ZFP30: variants seen among roughly 807,000 people sequenced by gnomAD.
The protein encoded by ZFP30 is zinc finger protein 30 homolog.
ZFP30 carries 16 observed loss-of-function variants against 12.3 expected under a neutral mutation model. The ratio of observed to expected loss-of-function variants is 1.30; its 90% CI spans 0.88 to 1.98. The LOEUF (loss-of-function observed/expected upper bound fraction) is 1.98. ZFP30 is among the 30% of genes most tolerant of loss of function. The pLI, the probability that ZFP30 is intolerant of heterozygous loss-of-function variation, is 0.00. For missense variants in ZFP30, 560 were observed against 611.2 expected (o/e 0.92, Z 0.88); for synonymous variants, 172 against 201.0 (o/e 0.86, Z 1.22).
At chr19:37,642,227 T>C (rs1047535410) in intron 5 of ZFP30, among the ~76,000 whole-genome samples, 5 of 152,220 alleles carry the variant, frequency 3.3e-5, no homozygotes, top group Non-Finnish European at 7.4e-5. Flanking sequence ...CCTATTCATA[T>C]AATTCTTATA....
At chr19:37,639,606 A>G (rs996432861) in intron 5 of ZFP30, among the ~76,000 whole-genome samples, 2 of 152,180 alleles carry the variant, frequency 1.3e-5, no homozygotes, top group Non-Finnish European at 2.9e-5. Context: ...AAATTAAAAG[A>G]AAGAAATTTA....
intron 2 of ZFP30, among the ~76,000 whole-genome samples, chr19:37,651,793 T>C (rs546454419): frequency 6.6e-6 from 1 of 152,268 alleles, no homozygotes; most frequent in Non-Finnish European, 1.5e-5. Context: ...CTTGGGCAGT[T>C]TGGAATATTC....
chr19:37,645,649 A>T (rs942184796), intron 3 of ZFP30, among the ~76,000 whole-genome samples: 145 of 151,472 alleles, frequency 9.6e-4, no homozygotes, highest in African/African-American at 3.4e-3. Context: ...GGTAATTATC[A>T]GAATTTTTCA....
At chr19:37,639,935 A>T (rs1247561529) in intron 5 of ZFP30, among the ~76,000 whole-genome samples, 1 of 152,248 alleles carries the variant, frequency 6.6e-6, no homozygotes, top group African/African-American at 2.4e-5. Context: ...TAATATACAC[A>T]GCTGAGCTGT....
Position 37,635,685 on chromosome 19 carries a change from T to C in ZFP30, c.856A>G (p.Thr286Ala), listed in dbSNP as rs768646586. The C allele has an allele frequency of 1.2e-6, 2 of 1,614,174 alleles. No individual in the cohort carries two copies. Among genetic ancestry groups the C allele is most frequent in the Non-Finnish European group, 1.7e-6 (2 of 1,180,034 alleles). Residue 286 changes from threonine (T) to alanine (A), a missense_variant, in exon 6 of 6, where the codon ACT becomes GCT. Transcript: ENST00000684514. ...GKAFRQYAHL[T>A]RHQRLNIAEK... ...GCAATGTTCAGTCTCTGATGTCGAG[T>C]AAGGTGTGCATACTGCCTAAAGGCC...
chr19:37,653,168 C>T lies in ZFP30; in HGVS notation c.-78+1544G>A, dbSNP rs1351341858. On this transcript the variant is annotated intron_variant, in intron 2 of 5. Coordinates refer to ENST00000684514, the MANE Select transcript of ZFP30 (RefSeq NM_001320669.3). ...AAAAGAAAATTGTGATTAAACAGGC[C>T]CTGCATAAATGGTGACAACAGGGAA... Among the ~76,000 whole-genome samples the T allele has an allele frequency of 3.3e-5, 5 of 151,424 alleles. No individual in the cohort carries two copies. The East Asian group carries it at 9.6e-4, about 29-fold the overall frequency.
At chr19:37,639,608 A>C (rs878880040) in intron 5 of ZFP30, among the ~76,000 whole-genome samples, 5 of 152,190 alleles carry the variant, frequency 3.3e-5, no homozygotes, top group Admixed American at 2.0e-4. Flanking sequence ...ATTAAAAGAA[A>C]GAAATTTAAG....
chr19:37,635,924 C>A lies in ZFP30; in HGVS notation c.617G>T (p.Arg206Ile), dbSNP rs2044315634. ...ATAGAGTTTGTCAGAAGTATGAATTCTCTGATGTCGACTGAGGTGGGCACA... is the reference window on the plus strand; with the variant it reads ...ATAGAGTTTGTCAGAAGTATGAATTATCTGATGTCGACTGAGGTGGGCACA... ...RQCAHLSRHQRIHTSDKLYEC... is the reference protein window; with the variant it reads ...RQCAHLSRHQIIHTSDKLYEC... Residue 206 changes from arginine to isoleucine, a missense_variant, in exon 6 of 6, where the codon AGA (arginine) becomes ATA (isoleucine). Transcript: ENST00000684514. The A allele has an allele frequency of 1.2e-6, 2 of 1,614,174 alleles. No individual in the cohort carries two copies. The highest frequency in any genetic ancestry group is 8.5e-7 in the Non-Finnish European group (1 of 1,180,018).
At chr19:37,639,634 A>G (rs2044397172) in intron 5 of ZFP30, among the ~76,000 whole-genome samples, 1 of 152,220 alleles carries the variant, frequency 6.6e-6, no homozygotes, top group Non-Finnish European at 1.5e-5. Flanking sequence ...ACAAATTGGC[A>G]TAAGAAATAA....
At position 37,654,733 on chromosome 19, in the gene ZFP30, G is replaced by C. The variant is rs2044717627; in HGVS notation, c.-99C>G. Reference sequence around the variant, plus strand: ...TCACAGGGAACCGGCTTTTAGAAGAGCAGCAGCGATTCGTTTCTCCTTCTC... The same window carrying C: ...TCACAGGGAACCGGCTTTTAGAAGACCAGCAGCGATTCGTTTCTCCTTCTC... On this transcript the variant is annotated 5_prime_UTR_variant, in exon 2 of 6. Transcript: ENST00000684514. 1.3e-5 allele frequency: 2 copies of C among 152,320 alleles called. No individual in the cohort carries two copies. The highest frequency in any genetic ancestry group is 2.9e-5 in the Non-Finnish European group (2 of 68,154). The allele number at this position is 152,320 out of a possible 1,614,324, so 9.4% of individuals were successfully genotyped here.
intron 5 of ZFP30, among the ~76,000 whole-genome samples, chr19:37,638,705 T>C (rs2044377321): frequency 1.3e-5 from 2 of 152,034 alleles, no homozygotes; most frequent in Admixed American, 6.6e-5. Flanking sequence ...AAAAACATAA[T>C]GGTGAATAAA....
chr19:37,641,206 C>T (rs565119395), intron 5 of ZFP30, among the ~76,000 whole-genome samples: 3 of 152,318 alleles, frequency 2.0e-5, no homozygotes, highest in South Asian at 2.1e-4. Context: ...TACTGAAGGT[C>T]GCTGCCTACA....
At position 37,635,476 on chromosome 19, in the gene ZFP30, A is replaced by C. The variant is rs2044303836; in HGVS notation, c.1065T>G (p.Asp355Glu). Residue 355 changes from aspartate to glutamate, a missense_variant, in exon 6 of 6, where the codon GAT becomes GAG. Asp to Glu is a conservative substitution (Grantham distance 45, BLOSUM62 2). Transcript: ENST00000684514. ...QRIHTGEKPY[D>E]CKECGKTFSR... ...TGAAAGTCTTCCCACATTCCTTACA[A>C]TCATAAGGCTTCTCACCAGTGTGAA... The C allele has an allele frequency of 1.9e-6, 3 of 1,613,564 alleles. No homozygotes were observed. Among genetic ancestry groups the C allele is most frequent in the Non-Finnish European group, 2.5e-6 (3 of 1,179,920 alleles).
intron 3 of ZFP30, among the ~76,000 whole-genome samples, chr19:37,645,534 T>C (rs2044526245): frequency 6.7e-6 from 1 of 150,172 alleles, no homozygotes; most frequent in African/African-American, 2.5e-5. Context: ...CTACAGCTTG[T>C]GGGCCAGATT....
chr19:37,653,613 G>C (rs909779062), intron 2 of ZFP30, among the ~76,000 whole-genome samples: 3 of 152,040 alleles, frequency 2.0e-5, no homozygotes, highest in African/African-American at 7.3e-5. Context: ...CCATCACATG[G>C]AGTGTGATTT....
At chr19:37,643,197 G>A (rs1278008718) in intron 5 of ZFP30, 68 bp downstream of exon 5, 3 of 1,244,594 alleles carry the variant, frequency 2.4e-6, no homozygotes, top group Non-Finnish European at 3.4e-6. Context: ...TCTAAGGGGT[G>A]TGTCTCCTCC....
chr19:37,642,868 T>C (rs894146170), intron 5 of ZFP30, among the ~76,000 whole-genome samples: 17 of 151,766 alleles, frequency 1.1e-4, no homozygotes, highest in Admixed American at 2.6e-4. Context: ...CTGGCTAACA[T>C]GGTGAAACCC....
At chr19:37,647,176 G>C (rs2044559384) in intron 3 of ZFP30, among the ~76,000 whole-genome samples, 1 of 152,104 alleles carries the variant, frequency 6.6e-6, no homozygotes, top group African/African-American at 2.4e-5. Flanking sequence ...CCCACTTCTA[G>C]GAACTTCATT....
At chr19:37,645,413 G>A (rs545611646) in intron 3 of ZFP30, among the ~76,000 whole-genome samples, 168 of 151,772 alleles carry the variant, frequency 1.1e-3, no homozygotes, top group African/African-American at 3.6e-3. Context: ...TTCTGTAAAG[G>A]GCCAATATTT....
Sources: allele counts gnomAD v4.1 joint callset (sites outside exome capture counted in the v4.1 genomes callset), GRCh38; gene constraint gnomAD v4.1.1; transcripts MANE v1.5; gene names NCBI Gene and HGNC (gene_info 2026-07-23, HGNC 2026-07-21).